Variants in PGAP6 observed in about 807,000 individuals in gnomAD.
PGAP6 encodes post-GPI attachment to proteins 6, also known as post-GPI attachment to proteins factor 6.
PGAP6 carries 62 observed loss-of-function variants against 68.4 expected under a neutral mutation model. That is an observed-to-expected ratio of 0.91 (90% confidence interval 0.74 to 1.12). The LOEUF is 1.12. Among genes scored for constraint, PGAP6 ranks in the 50% most tolerant of loss-of-function variants. PGAP6 has a pLI of 0.00. For missense variants in PGAP6, 1,188 were observed against 1,068.5 expected (o/e 1.11, Z -1.56); for synonymous variants, 575 against 474.0 (o/e 1.21, Z -2.77).
chr16:385,985 A>G (rs139463102), upstream of PGAP6, among the ~76,000 whole-genome samples: 90 of 152,260 alleles, frequency 5.9e-4, no homozygotes, highest in Middle Eastern at 0.01. Flanking sequence ...AAGGAATGTC[A>G]GTAAAGTGAA....
intron 1 of PGAP6, 60 bp from the exon 2 acceptor site, chr16:377,908 AGGACGAGTC>A (rs2054401698): frequency 7.0e-7 from 1 of 1,438,618 alleles, no homozygotes; most frequent in Admixed American, 2.2e-5. Flanking sequence ...GCAGATGGGG[AGGACGAGTC>A]CCCCAGATGG....
chr16:382,302 G>T (rs1175973098), upstream of PGAP6: 1 of 391,366 alleles, frequency 2.6e-6, no homozygotes, highest in African/African-American at 2.1e-5. Flanking sequence ...AGCTCCGCTC[G>T]GCCGGGACCT....
At chr16:374,589 G>A (rs1350287936) in intron 9 of PGAP6, among the ~76,000 whole-genome samples, 167 bp downstream of exon 9, 3 of 152,094 alleles carry the variant, frequency 2.0e-5, no homozygotes, top group East Asian at 3.9e-4. Context: ...CCAGGCAGAC[G>A]GATTGTTGGT....
intron 1 of PGAP6, among the ~76,000 whole-genome samples, chr16:378,438 CCGCA>C (rs2054410685): frequency 8.0e-6 from 1 of 125,730 alleles, no homozygotes; most frequent in African/African-American, 3.2e-5. Flanking sequence ...CCATCCCCAC[CCGCA>C]CTGCCATCGC....
upstream of PGAP6, among the ~76,000 whole-genome samples, chr16:383,747 C>A (rs2054463713): frequency 6.6e-6 from 1 of 152,238 alleles, no homozygotes; most frequent in Non-Finnish European, 1.5e-5. Flanking sequence ...ACCGGCTACA[C>A]TGGTTGACCT....
chr16:386,609 A>G (rs1485491726), upstream of PGAP6: 2 of 333,604 alleles, frequency 6.0e-6, no homozygotes, highest in Non-Finnish European at 1.1e-5. Context: ...GTTTCCCCAG[A>G]GTTTTGGGGC....
At chr16:385,613 C>T (rs1434956258), upstream of PGAP6, among the ~76,000 whole-genome samples, 1 of 138,626 alleles carries the variant, frequency 7.2e-6, no homozygotes, top group Non-Finnish European at 1.5e-5. Flanking sequence ...GCCCGGCCTA[C>T]TCTGATTTTT....
chr16:376,914 C>T, intron 4 of PGAP6, 102 bp from the exon 5 acceptor site: 1 of 1,558,462 alleles, frequency 6.4e-7, no homozygotes, highest in Non-Finnish European at 8.6e-7. Flanking sequence ...TGGTGGGGGC[C>T]AGGCATCTGG....
intron 11 of PGAP6, 46 bp from the exon 12 acceptor site, chr16:372,773 A>C: frequency 5.9e-5 from 85 of 1,438,150 alleles, no homozygotes; most frequent in Non-Finnish European, 7.5e-5. Context: ...CTGAGGGCTC[A>C]AGGCCCAGCA....
intron 11 of PGAP6, among the ~76,000 whole-genome samples, chr16:372,961 G>A (rs1396093851): frequency 6.6e-6 from 1 of 152,160 alleles, no homozygotes; most frequent in Non-Finnish European, 1.5e-5. Flanking sequence ...ATCTCTGGGG[G>A]ATTAGACGAT....
intron 6 of PGAP6, 53 bp from the exon 7 acceptor site, chr16:375,488 G>C: frequency 6.6e-7 from 1 of 1,523,988 alleles, no homozygotes; most frequent in South Asian, 1.1e-5. Context: ...GCCGCAGTGG[G>C]GTCATCTGCC....
upstream of PGAP6, among the ~76,000 whole-genome samples, chr16:383,678 G>A (rs2054463295): frequency 6.6e-6 from 1 of 152,234 alleles, no homozygotes; most frequent in African/African-American, 2.4e-5. Flanking sequence ...GTAGAAAAGG[G>A]AGAAAAACAC....
At position 381,814 on chromosome 16, in the gene PGAP6, C is replaced by T; in HGVS notation, c.8G>A (p.Arg3Gln). 9.0e-7 allele frequency: 1 copy of T among 1,109,034 alleles called. No individual in the cohort carries two copies. Among genetic ancestry groups the T allele is most frequent in the Non-Finnish European group, 1.1e-6 (1 of 909,876 alleles). 68.7% of individuals were successfully genotyped at this position (1,109,034 alleles called of 1,614,324 possible). A position where few individuals can be genotyped will look rare whatever the true frequency, so the allele number is the denominator to read the frequency against. Residue 3 changes from arginine to glutamine, a missense_variant, in exon 1 of 13, where the codon CGG becomes CAG. Physicochemically the swap from Arg to Gln is conservative, Grantham distance 43. Transcript: ENST00000431232. MG[R>Q]AGTGTGGEAV... ...CTCGCCCCCGGTCCCGGTGCCAGCC[C>T]GGCCCATGGCTCCGCGCTCGGCCCG...
intron 1 of PGAP6, among the ~76,000 whole-genome samples, chr16:379,127 A>G (rs902454009): frequency 1.2e-4 from 18 of 152,176 alleles, no homozygotes; most frequent in African/African-American, 2.9e-4. Context: ...CAGAAGGAAA[A>G]GCACAGTGGA....
Position 376,450 on chromosome 16 carries a change from T to G in PGAP6, c.910A>C (p.Arg304=), listed in dbSNP as rs1237411917. The change falls in exon 6 of 13, where the codon AGG becomes CGG. Residue 304 remains arginine, a synonymous_variant. Coordinates refer to ENST00000431232, the MANE Select transcript of PGAP6 (RefSeq NM_021259.3). ...GGCTGGATGGTCACGCTCCGTGGCC[T>G]GCAAGCTGCCGAGAGGACAAGGGGT... ...FSAVAALTAC[R]PRSVTIQPLL... is the part of the protein sequence containing the mutation. 1.3e-6 allele frequency: 2 copies of G among 1,561,308 alleles called. No individual in the cohort carries two copies. Among genetic ancestry groups the G allele is most frequent in the Admixed American group, 3.6e-5 (2 of 55,262 alleles).
chr16:386,208 G>A (rs1329571893), upstream of PGAP6, among the ~76,000 whole-genome samples: 3 of 151,308 alleles, frequency 2.0e-5, no homozygotes, highest in African/African-American at 4.9e-5. Flanking sequence ...TATTATAGTT[G>A]TCTTGGATAA....
At chr16:372,791 G>A (rs969816377) in intron 11 of PGAP6, 64 bp from the exon 12 acceptor site, 18 of 1,230,088 alleles carry the variant, frequency 1.5e-5, no homozygotes, top group East Asian at 4.7e-5. Flanking sequence ...GCAGGAGCAC[G>A]CGTACCCCAC....
Position 377,520 on chromosome 16 carries a change from G to A in PGAP6, c.365C>T (p.Ala122Val), listed in dbSNP as rs753059896. The A allele has an allele frequency of 8.8e-6, 14 of 1,596,496 alleles. No homozygotes were observed. The highest frequency in any genetic ancestry group is 1.7e-4 in the Middle Eastern group (1 of 6,054). ...CCCGACCTGGAAGGAGGGCTGTACC[G>A]CGGTGTCGTCCGGGAAGCTGGTGCC... is the stretch of plus-strand genomic sequence containing the variant. ...PLGTSFPDDT[A>V]VQPSFQVGVP... Residue 122 changes from alanine (A) to valine (V), a missense_variant, in exon 3 of 13, where the codon GCG (alanine) becomes GTG (valine). Physicochemically the swap from Ala to Val is moderately conservative, Grantham distance 64. Transcript: ENST00000431232.
At chr16:379,389 C>A (rs1043707496) in intron 1 of PGAP6, among the ~76,000 whole-genome samples, 7 of 152,238 alleles carry the variant, frequency 4.6e-5, no homozygotes, top group Non-Finnish European at 7.3e-5. Flanking sequence ...GGCGTGGCGA[C>A]TGGGCAGGGG....
Sources: gnomAD v4.1 joint callset for allele counts (sites outside exome capture counted in the v4.1 genomes callset) on GRCh38, gnomAD v4.1.1 for gene constraint, MANE v1.5 for transcripts, NCBI Gene and HGNC (gene_info 2026-07-23, HGNC 2026-07-21) for gene names.